ANK2: variants seen among roughly 807,000 people sequenced by gnomAD.
The protein encoded by ANK2 is ankyrin 2.
Under a neutral mutation model 360.5 loss-of-function variants are expected in ANK2, and 83 were observed. The observed-to-expected ratio is 0.23, with a 90% confidence interval of 0.19 to 0.28. ANK2 has a LOEUF of 0.28. ANK2 is among the 10% of genes least tolerant of loss of function. ANK2 has a pLI of 1.00. For missense variants in ANK2, 4,201 were observed against 4,795.7 expected (o/e 0.88, Z 3.66); for synonymous variants, 1,740 against 1,759.5 (o/e 0.99, Z 0.28).
At chr4:112,912,148 G>A (rs1474635392) in intron 2 of ANK2, among the ~76,000 whole-genome samples, 1 of 151,410 alleles carries the variant, frequency 6.6e-6, no homozygotes, top group Admixed American at 6.6e-5. Context: ...CTGCACTCCA[G>A]CCTGGGTGAC....
At chr4:112,783,392 G>A in the ANK2 span, among the ~76,000 whole-genome samples, 1 of 152,280 alleles carries the variant, frequency 6.6e-6, no homozygotes, top group South Asian at 2.1e-4. Flanking sequence ...AACATTGGCA[G>A]TGTCATGTGG....
At chr4:112,835,520 AT>A (rs2060812187) in intron 1 of ANK2, among the ~76,000 whole-genome samples, 1 of 152,128 alleles carries the variant, frequency 6.6e-6, no homozygotes, top group Non-Finnish European at 1.5e-5. Context: ...GTGTGTATGA[AT>A]TTAGTATAAA....
chr4:112,844,958 T>C (rs2062959719), intron 1 of ANK2, among the ~76,000 whole-genome samples: 2 of 152,168 alleles, frequency 1.3e-5, no homozygotes, highest in Non-Finnish European at 2.9e-5. Context: ...ATATTCAACT[T>C]ATCTTTACAC....
chr4:112,964,910 C>T (rs1401694444), intron 2 of ANK2, among the ~76,000 whole-genome samples: 1 of 152,130 alleles, frequency 6.6e-6, no homozygotes, highest in East Asian at 1.9e-4. Flanking sequence ...TTGATTGACA[C>T]TTAGGTTGCT....
At chr4:113,250,755 G>GACCC (rs1554339959) in intron 10 of ANK2, among the ~76,000 whole-genome samples, 1 of 60,370 alleles carries the variant, frequency 1.7e-5, no homozygotes, top group Non-Finnish European at 3.5e-5. Context: ...TCATACCACC[G>GACCC]CCCCCCCCCC....
rs60510554 is a variant in ANK2, at chr4:112,850,504, C to CTTTTTTTTTTTTTTTTTTTTTTTTT, written c.-40+32246_-40+32270dup. 3.4e-4 allele frequency among the ~76,000 whole-genome samples: 2 copies of CTTTTTTTTTTTTTTTTTTTTTTTTT among 5,820 alleles called. 1 individual carries two copies. Among genetic ancestry groups the CTTTTTTTTTTTTTTTTTTTTTTTTT allele is most frequent in the Non-Finnish European group, 5.9e-4 (2 of 3,408 alleles). The allele number at this position is 5,820 out of a possible 152,430, so 3.8% of individuals were successfully genotyped here. ...TTTTTTTAACATTTCCTGTGCTAGT[C>CTTTTTTTTTTTTTTTTTTTTTTTTT]TTTTTTTTTTTTTTTTTTTTTTTTT... On this transcript the variant is annotated intron_variant, in intron 1 of 30. Transcript: ENST00000503271.
At chr4:113,057,633 C>A (rs187447953) in intron 1 of ANK2, among the ~76,000 whole-genome samples, 1 of 152,052 alleles carries the variant, frequency 6.6e-6, no homozygotes, top group Non-Finnish European at 1.5e-5. Flanking sequence ...ACTCATTTTA[C>A]CTGTGAAAAT....
intron 1 of ANK2, among the ~76,000 whole-genome samples, chr4:112,840,431 A>C (rs2061846661): frequency 6.6e-6 from 1 of 152,046 alleles, no homozygotes; most frequent in Non-Finnish European, 1.5e-5. Flanking sequence ...TGCTACTGTA[A>C]ATTCTAGAAT....
At chr4:113,261,107 A>G (rs2052632837) in intron 13 of ANK2, among the ~76,000 whole-genome samples, 1 of 152,144 alleles carries the variant, frequency 6.6e-6, no homozygotes, top group South Asian at 2.1e-4. Flanking sequence ...GAGCATACCC[A>G]TTCTCTTGCT....
chr4:113,124,374 G>A (rs578111157), intron 1 of ANK2, among the ~76,000 whole-genome samples: 27 of 152,240 alleles, frequency 1.8e-4, no homozygotes, highest in South Asian at 2.1e-4. Flanking sequence ...CATTAATTTA[G>A]TAAGAAAGAA....
chr4:113,233,274 A>G (rs1585538549), intron 5 of ANK2, among the ~76,000 whole-genome samples: 2 of 148,222 alleles, frequency 1.3e-5, no homozygotes, highest in South Asian at 4.3e-4. Flanking sequence ...AGCTGGGACT[A>G]CAGGCGCCCG....
chr4:113,009,071 G>C lies in ANK2; in HGVS notation c.21+104557G>C, dbSNP rs143686584. 2.5e-3 allele frequency among the ~76,000 whole-genome samples: 378 copies of C among 152,304 alleles called. 2 individuals are homozygous for C. Among genetic ancestry groups the C allele is most frequent in the Non-Finnish European group, 4.2e-3 (285 of 68,012 alleles). Reference sequence around the variant, plus strand: ...ATACGTGGAAGGCTGTTGGGAACTGGTTCTTCCACCATTCTTGAATCAAAG... The same window carrying C: ...ATACGTGGAAGGCTGTTGGGAACTGCTTCTTCCACCATTCTTGAATCAAAG... On this transcript the variant is annotated intron_variant, in intron 2 of 30. Coordinates refer to the ANK2 transcript ENST00000503271.
At chr4:113,175,171 T>C (rs2098143450) in intron 2 of ANK2, among the ~76,000 whole-genome samples, 1 of 152,202 alleles carries the variant, frequency 6.6e-6, no homozygotes, top group Non-Finnish European at 1.5e-5. Context: ...TTGTGTGTTG[T>C]GTGTATGTGT....
rs181821423 is a variant in ANK2, at chr4:113,361,347, G to A, written c.10756+450G>A. ...TAAGTGTTAAAACACACATGAATGA[G>A]ATATTTCACTAATATTTTTGAGAAA... is the stretch of plus-strand genomic sequence containing the variant. On this transcript the variant is annotated intron_variant, in intron 39 of 45. Transcript: ENST00000357077. Among the ~76,000 whole-genome samples the A allele has an allele frequency of 2.6e-5, 4 of 152,062 alleles. No homozygotes were observed. The East Asian group carries it at 7.7e-4, about 29-fold the overall frequency.
intron 4 of ANK2, among the ~76,000 whole-genome samples, chr4:113,208,181 C>G (rs771648189): frequency 2.6e-5 from 4 of 151,976 alleles, no homozygotes; most frequent in Non-Finnish European, 4.4e-5. Context: ...ATTCTGAAAA[C>G]ATGACCCTGG....
intron 14 of ANK2, among the ~76,000 whole-genome samples, chr4:113,267,677 G>A (rs2056780871): frequency 1.3e-5 from 2 of 152,160 alleles, no homozygotes; most frequent in Admixed American, 1.3e-4. Context: ...TCGAAGTCAG[G>A]TAGTGTGATG....
upstream of ANK2, among the ~76,000 whole-genome samples, chr4:112,817,859 T>G (rs2055814498): frequency 6.6e-6 from 1 of 152,174 alleles, no homozygotes; most frequent in Non-Finnish European, 1.5e-5. Context: ...CAAATTCAAG[T>G]GCTTTTCTTG....
At chr4:112,941,295 A>G (rs1432160174) in intron 2 of ANK2, among the ~76,000 whole-genome samples, 1 of 147,540 alleles carries the variant, frequency 6.8e-6, no homozygotes, top group Non-Finnish European at 1.5e-5. Context: ...ATATAAAGAT[A>G]TATAAATTTA....
chr4:113,289,994 C>T (rs2066716764), intron 20 of ANK2, among the ~76,000 whole-genome samples: 2 of 152,200 alleles, frequency 1.3e-5, no homozygotes, highest in South Asian at 4.2e-4. Context: ...GAGATGTTGG[C>T]AGGGCTTGAA....
Sources: allele counts gnomAD v4.1 joint callset (sites outside exome capture counted in the v4.1 genomes callset), GRCh38; gene constraint gnomAD v4.1.1; transcripts MANE v1.5; gene names NCBI Gene and HGNC (gene_info 2026-07-23, HGNC 2026-07-21).